The following GRID1 variants were observed in gnomAD, a reference collection of about 807,000 sequenced individuals.
GRID1 encodes the protein glutamate ionotropic receptor delta type subunit 1.
A neutral mutation model predicts 98.0 loss-of-function variants in GRID1; 28 were observed. The observed-to-expected ratio is 0.29, with a 90% CI of 0.21 to 0.39. The LOEUF (loss-of-function observed/expected upper bound fraction) is 0.39, where lower values mean the gene tolerates loss of function less well. Among genes scored for constraint, GRID1 ranks in the 10% least tolerant of loss-of-function variants. The pLI is 1.00. For synonymous variants in GRID1, 553 were observed against 538.5 expected (o/e 1.03, Z -0.37); for missense variants, 1,111 against 1,340.5 (o/e 0.83, Z 2.67).
chr10:85,755,078 T>C (rs924577373), intron 8 of GRID1, among the ~76,000 whole-genome samples: 5 of 152,186 alleles, frequency 3.3e-5, no homozygotes, highest in African/African-American at 1.2e-4. Flanking sequence ...TTCTTCTCCC[T>C]AGTTCCCCCC....
chr10:85,818,793 C>T (rs1035473723), intron 8 of GRID1, among the ~76,000 whole-genome samples: 1 of 152,034 alleles, frequency 6.6e-6, no homozygotes, highest in African/African-American at 2.4e-5. Flanking sequence ...TCTTGGCTCA[C>T]TGCAACCTCT....
At chr10:85,836,378 C>T (rs1842911572) in intron 8 of GRID1, among the ~76,000 whole-genome samples, 1 of 152,104 alleles carries the variant, frequency 6.6e-6, no homozygotes, top group Middle Eastern at 3.4e-3. Flanking sequence ...AGGAAAGACA[C>T]ACAAGCTAGA....
chr10:85,607,024 A>G (rs1441849859), intron 15 of GRID1: 2 of 152,214 alleles, frequency 1.3e-5, no homozygotes, highest in Non-Finnish European at 2.9e-5. Flanking sequence ...TAAAATTCAC[A>G]GACTGTGTTT....
intron 12 of GRID1, among the ~76,000 whole-genome samples, chr10:85,721,981 A>G (rs1219219014): frequency 6.6e-6 from 1 of 152,236 alleles, no homozygotes; most frequent in Non-Finnish European, 1.5e-5. Context: ...AAGTGGGTAA[A>G]GGATCCCAGG....
chr10:86,118,463 T>C (rs1268180854), intron 4 of GRID1, among the ~76,000 whole-genome samples: 1 of 152,124 alleles, frequency 6.6e-6, no homozygotes, highest in East Asian at 1.9e-4. Flanking sequence ...ACACCACCTG[T>C]TCCCCCAAGA....
At chr10:85,951,451 G>A (rs965460221) in intron 4 of GRID1, among the ~76,000 whole-genome samples, 8 of 152,124 alleles carry the variant, frequency 5.3e-5, no homozygotes, top group Admixed American at 2.6e-4. Flanking sequence ...GGTGGGAGAC[G>A]TTTAATTGGG....
intron 13 of GRID1, among the ~76,000 whole-genome samples, chr10:85,638,428 C>A (rs57550313): frequency 1.9e-4 from 29 of 152,202 alleles, no homozygotes; most frequent in Admixed American, 1.8e-3. Flanking sequence ...GAAGGACTTA[C>A]AATACCTGAC....
chr10:85,672,936 T>G (rs1841103954), intron 12 of GRID1, among the ~76,000 whole-genome samples: 1 of 152,244 alleles, frequency 6.6e-6, no homozygotes, highest in Non-Finnish European at 1.5e-5. Context: ...ATTCTTCTGA[T>G]GGATCTGGGC....
intron 3 of GRID1, among the ~76,000 whole-genome samples, chr10:86,140,838 A>G (rs761488080): frequency 6.6e-6 from 1 of 152,156 alleles, no homozygotes; most frequent in Non-Finnish European, 1.5e-5. Flanking sequence ...TGTGCAGGCC[A>G]CCTGCTTGTG....
intron 10 of GRID1, among the ~76,000 whole-genome samples, chr10:85,727,492 A>G (rs908298809): frequency 4.6e-5 from 7 of 152,144 alleles, no homozygotes; most frequent in African/African-American, 1.4e-4. Flanking sequence ...TGTGGTCTAT[A>G]AGGGATAGGA....
intron 12 of GRID1, among the ~76,000 whole-genome samples, chr10:85,690,662 C>T (rs1405560947): frequency 1.3e-5 from 2 of 152,152 alleles, no homozygotes; most frequent in African/African-American, 4.8e-5. Context: ...ATTGGTACCA[C>T]CTTCTAGGGA....
At chr10:86,016,714 A>G (rs1842986232) in intron 4 of GRID1, among the ~76,000 whole-genome samples, 1 of 152,208 alleles carries the variant, frequency 6.6e-6, no homozygotes, top group Non-Finnish European at 1.5e-5. Context: ...GCTCTAAAAA[A>G]TAGTCTTATA....
chr10:85,630,495 C>T (rs72841445), intron 13 of GRID1, among the ~76,000 whole-genome samples: 9,709 of 152,242 alleles, frequency 0.064, 396 homozygotes, highest in Middle Eastern at 0.088. Flanking sequence ...ATAAATAGCA[C>T]GTGAAATTGT....
intron 8 of GRID1, among the ~76,000 whole-genome samples, chr10:85,741,739 C>G (rs953350452): frequency 6.6e-6 from 1 of 152,056 alleles, no homozygotes; most frequent in Non-Finnish European, 1.5e-5. Flanking sequence ...TTGGGTCCTC[C>G]TTTTCATGGC....
chr10:85,735,406 T>C (rs1371922617), intron 8 of GRID1, among the ~76,000 whole-genome samples: 1 of 152,160 alleles, frequency 6.6e-6, no homozygotes, highest in Non-Finnish European at 1.5e-5. Context: ...CCTCAAAATC[T>C]GATTATGACA....
chr10:85,652,437 T>C (rs1843284693), intron 12 of GRID1, among the ~76,000 whole-genome samples: 1 of 152,216 alleles, frequency 6.6e-6, no homozygotes, highest in Admixed American at 6.5e-5. Flanking sequence ...GTCATAAGCA[T>C]GGGCCTGATA....
At chr10:85,905,984 C>T (rs1841455239) in intron 5 of GRID1, among the ~76,000 whole-genome samples, 1 of 151,828 alleles carries the variant, frequency 6.6e-6, no homozygotes, top group Non-Finnish European at 1.5e-5. Context: ...AATAGCAAGA[C>T]CTAAATAAGT....
At chr10:85,866,532 C>A (rs918715586) in intron 6 of GRID1, among the ~76,000 whole-genome samples, 6 of 151,842 alleles carry the variant, frequency 4.0e-5, no homozygotes, top group Non-Finnish European at 8.8e-5. Flanking sequence ...ATCTGAAATA[C>A]CCCAATGGGC....
At chr10:85,668,557 T>C (rs1841049713) in intron 12 of GRID1, among the ~76,000 whole-genome samples, 2 of 152,186 alleles carry the variant, frequency 1.3e-5, no homozygotes, top group South Asian at 4.1e-4. Context: ...TCACAAACTG[T>C]CAGAGTGGGA....
Sources: allele counts gnomAD v4.1 joint callset (sites outside exome capture counted in the v4.1 genomes callset), GRCh38; gene constraint gnomAD v4.1.1; transcripts MANE v1.5; gene names NCBI Gene and HGNC (gene_info 2026-07-23, HGNC 2026-07-21).